ENDOV: variants seen among roughly 807,000 people sequenced by gnomAD.
ENDOV encodes the protein hEndoV.
A neutral mutation model predicts 39.4 loss-of-function variants in ENDOV; 37 were observed. That is an observed-to-expected ratio of 0.94 (90% confidence interval 0.72 to 1.23). ENDOV has a LOEUF of 1.23. Among genes scored for constraint, ENDOV ranks in the 50% most tolerant of loss-of-function variants. The probability of loss-of-function intolerance (pLI) is 0.00; values close to 1 mark genes in which losing one functional copy is unlikely to be tolerated. For synonymous variants in ENDOV, 186 were observed against 163.4 expected (o/e 1.14, Z -1.05); for missense variants, 441 against 375.7 (o/e 1.17, Z -1.44).
intron 4 of ENDOV, 40 bp from the exon 5 acceptor site, chr17:80,423,479 AG>A: frequency 1.3e-3 from 1,005 of 781,642 alleles, no homozygotes; most frequent in Non-Finnish European, 1.9e-3. Flanking sequence ...GCCAGGCCCC[AG>A]CCCCACCTCC....
rs554948066 is a variant in ENDOV at position 80,427,453 on chromosome 17, G to C, written c.715-1143G>C. 1.6e-4 allele frequency: 161 copies of C among 985,452 alleles called. No individual in the cohort carries two copies. In the African/African-American group the frequency reaches 2.7e-3, roughly 17 times the overall value. 61.0% of individuals were successfully genotyped at this position (985,452 alleles called of 1,614,324 possible). On this transcript the variant is annotated intron_variant, in intron 7 of 9. Transcript: ENST00000518137. ...TGAGTACCTTAAGCATCTAGAAATA[G>C]AGCAAGGATCTGTGCCTAGCACCAG...
intron 9 of ENDOV, among the ~76,000 whole-genome samples, chr17:80,432,480 G>T (rs1320036247): frequency 6.6e-6 from 1 of 152,138 alleles, no homozygotes; most frequent in African/African-American, 2.4e-5. Flanking sequence ...CAAGCAGGCT[G>T]GGCTGGGCTC....
At chr17:80,435,519 A>G (rs1476611579) in intron 9 of ENDOV, among the ~76,000 whole-genome samples, 2 of 152,094 alleles carry the variant, frequency 1.3e-5, no homozygotes, top group East Asian at 3.9e-4. Flanking sequence ...CAGGGGTGTG[A>G]TCATGGCTCA....
rs567462223 is a variant in ENDOV at position 80,426,982 on chromosome 17, G to A, written c.714+1362G>A. On this transcript the variant is annotated intron_variant, in intron 7 of 9. Transcript: ENST00000518137. Reference sequence around the variant, plus strand: ...TGCAGCCTGCCCTGGGGCAGCCGCAGCACCGGTGGAAAACCCCCAGGCCAC... The same window carrying A: ...TGCAGCCTGCCCTGGGGCAGCCGCAACACCGGTGGAAAACCCCCAGGCCAC... Among the ~76,000 whole-genome samples the A allele has an allele frequency of 7.2e-5, 11 of 152,346 alleles. No individual in the cohort carries two copies. The East Asian group carries it at 1.7e-3, about 24-fold the overall frequency.
chr17:80,415,482 T>C (rs879271460), intron 1 of ENDOV, 168 bp from the exon 2 acceptor site: 7 of 1,073,048 alleles, frequency 6.5e-6, no homozygotes, highest in African/African-American at 1.6e-5. Context: ...TGCGCGGGTC[T>C]CCGCCGCCTG....
intron 6 of ENDOV, 109 bp downstream of exon 6, chr17:80,425,209 C>A: frequency 2.1e-6 from 2 of 969,402 alleles, no homozygotes; most frequent in Non-Finnish European, 3.1e-6. Context: ...CCCACATCAA[C>A]CCCCCGCCTG....
chr17:80,421,528 G>A (rs1013148784), intron 2 of ENDOV, among the ~76,000 whole-genome samples: 4 of 144,320 alleles, frequency 2.8e-5, no homozygotes, highest in Non-Finnish European at 6.1e-5. Context: ...CGGTGGGGGC[G>A]GGGTGGGGGT....
At chr17:80,429,141 C>T (rs1290202484) in intron 8 of ENDOV, among the ~76,000 whole-genome samples, 1 of 152,224 alleles carries the variant, frequency 6.6e-6, no homozygotes, top group African/African-American at 2.4e-5. Flanking sequence ...GTTAGAGTGA[C>T]AGTGTGCCTG....
intron 7 of ENDOV, 43 bp downstream of exon 7, chr17:80,425,663 G>A (rs1279640465): frequency 6.5e-7 from 1 of 1,541,996 alleles, no homozygotes; most frequent in Admixed American, 1.9e-5. Context: ...AGGCTCCTCT[G>A]CTTCCTGCCA....
At chr17:80,423,080 A>T (rs974642120) in intron 4 of ENDOV, among the ~76,000 whole-genome samples, 10 of 152,194 alleles carry the variant, frequency 6.6e-5, no homozygotes, top group African/African-American at 1.9e-4. Context: ...GAGGGGTGAC[A>T]TTGGGCCTTC....
Position 80,435,244 on chromosome 17 carries a change from A to G in ENDOV, c.839-889A>G, listed in dbSNP as rs189035188. On this transcript the variant is annotated intron_variant, in intron 9 of 9. Transcript: ENST00000518137. ...AAAGTTTTTAAATTTGATGAAGTCC[A>G]TCTATTTTGTTGCTTATGCTTTTGA... 2.6e-3 allele frequency among the ~76,000 whole-genome samples: 395 copies of G among 152,330 alleles called. 3 individuals are homozygous for G. Among genetic ancestry groups the G allele is most frequent in the Non-Finnish European group, 3.3e-3 (225 of 68,026 alleles).
chr17:80,429,073 C>T (rs1179831132), intron 8 of ENDOV, among the ~76,000 whole-genome samples: 1 of 152,228 alleles, frequency 6.6e-6, no homozygotes, highest in Non-Finnish European at 1.5e-5. Context: ...CTCTTCGAGC[C>T]TCAGCTTCCT....
intron 6 of ENDOV, 37 bp downstream of exon 6, chr17:80,425,137 G>C (rs753722503): frequency 3.8e-6 from 6 of 1,561,944 alleles, no homozygotes; most frequent in Non-Finnish European, 5.2e-6. Context: ...CCAAAGCCCC[G>C]GGGTAGGGGA....
chr17:80,422,297 G>C, intron 4 of ENDOV, 52 bp downstream of exon 4: 2 of 1,598,640 alleles, frequency 1.3e-6, no homozygotes, highest in South Asian at 1.1e-5. Flanking sequence ...AGAGCGGGGG[G>C]AGAGGGCACC....
At chr17:80,422,123 C>T in intron 3 of ENDOV, 83 bp from the exon 4 acceptor site, 1 of 1,587,738 alleles carries the variant, frequency 6.3e-7, no homozygotes, top group South Asian at 1.1e-5. Context: ...AGAGACAGTG[C>T]CCCCTTCTTG....
At chr17:80,431,688 G>T (rs1255217784) in intron 9 of ENDOV, among the ~76,000 whole-genome samples, 3 of 152,222 alleles carry the variant, frequency 2.0e-5, no homozygotes, top group Admixed American at 1.3e-4. Flanking sequence ...ACTTGGGCCT[G>T]TCGGGGATCT....
chr17:80,421,683 C>A, intron 2 of ENDOV, 145 bp from the exon 3 acceptor site: 2 of 1,114,060 alleles, frequency 1.8e-6, no homozygotes, highest in Non-Finnish European at 2.5e-6. Context: ...CCAAACCCAT[C>A]ATCTCATAGG....
chr17:80,432,605 C>T (rs904599635), intron 9 of ENDOV, among the ~76,000 whole-genome samples: 43 of 152,090 alleles, frequency 2.8e-4, no homozygotes, highest in Non-Finnish European at 5.3e-4. Context: ...GCTTAGGCAC[C>T]GCTCTGGGGA....
intron 4 of ENDOV, among the ~76,000 whole-genome samples, chr17:80,422,613 G>A (rs1166175820): frequency 6.6e-6 from 1 of 152,244 alleles, no homozygotes; most frequent in Admixed American, 6.5e-5. Flanking sequence ...TGCATGGCCC[G>A]TCAGGCCCCT....
Sources: allele counts gnomAD v4.1 joint callset (sites outside exome capture counted in the v4.1 genomes callset), GRCh38; gene constraint gnomAD v4.1.1; transcripts MANE v1.5; gene names NCBI Gene and HGNC (gene_info 2026-07-23, HGNC 2026-07-21).